Variants in DMD observed in about 807,000 individuals in gnomAD.
DMD encodes dystrophin.
Under a neutral mutation model 330.1 loss-of-function variants are expected in DMD, and 63 were observed. The observed-to-expected ratio is 0.19, with a 90% CI of 0.16 to 0.24. The LOEUF is 0.24. DMD is among the 10% of genes least tolerant of loss of function. The pLI is 1.00. For missense variants in DMD, 3,344 were observed against 2,684.1 expected (o/e 1.25, Z -5.43); for synonymous variants, 1,223 against 959.8 (o/e 1.27, Z -5.07).
chrX:31,185,516 A>T (rs2041676881), intron 67 of DMD, among the ~76,000 whole-genome samples: 1 of 111,841 alleles, frequency 8.9e-6, no homozygotes, highest in Non-Finnish European at 1.9e-5. Context: ...TGATTATTGT[A>T]CTTTTGACAT....
At chrX:32,576,033 C>T (rs1383159059) in intron 13 of DMD, among the ~76,000 whole-genome samples, 1 of 111,491 alleles carries the variant, frequency 9.0e-6, no homozygotes, top group African/African-American at 3.3e-5. Flanking sequence ...ATCCCCTATT[C>T]CAGGTTGTAT....
intron 64 of DMD, among the ~76,000 whole-genome samples, chrX:31,220,401 T>C (rs938874414): frequency 1.8e-5 from 2 of 111,854 alleles, no homozygotes; most frequent in African/African-American, 6.5e-5. Context: ...GGGACCTTCC[T>C]GTTGCTAAGT....
chrX:33,228,278 AGTGTGT>A (rs60369848), intron 1 of DMD, among the ~76,000 whole-genome samples: 30 of 93,459 alleles, frequency 3.2e-4, no homozygotes, highest in South Asian at 2.3e-3. Context: ...CCCAAGTTTA[AGTGTGT>A]GTGTGTGTGT....
chrX:31,718,301 G>A (rs2085212651), intron 52 of DMD, among the ~76,000 whole-genome samples: 3 of 111,268 alleles, frequency 2.7e-5, no homozygotes, highest in African/African-American at 9.8e-5. Flanking sequence ...CATTAGAACA[G>A]TTACCAATAT....
At chrX:32,142,519 C>T (rs2096758574) in intron 44 of DMD, among the ~76,000 whole-genome samples, 1 of 112,409 alleles carries the variant, frequency 8.9e-6, no homozygotes, top group Non-Finnish European at 1.9e-5. Flanking sequence ...TGAATATCAT[C>T]CCTTCTTCAT....
Position 32,943,667 on chromosome X carries a change from C to T in DMD, c.93+76472G>A, listed in dbSNP as rs773370156. Among the ~76,000 whole-genome samples, 14 of 111,434 alleles carry T rather than the reference C, an allele frequency of 1.3e-4. No homozygotes were observed. In the South Asian group the frequency reaches 4.1e-3, roughly 33 times the overall value. ...TTGCACATAGATGTAAGCATTTCTT[C>T]GATAATTTCCCTGGAAATGCAATTG... On this transcript the variant is annotated intron_variant, in intron 2 of 78. Transcript: ENST00000357033.
At chrX:32,329,986 G>T (rs1220070321) in intron 41 of DMD, among the ~76,000 whole-genome samples, 1 of 112,017 alleles carries the variant, frequency 8.9e-6, no homozygotes, top group African/African-American at 3.2e-5. Context: ...TTTTACATGC[G>T]TTAAAATAGC....
At chrX:32,376,519 G>A (rs1287210921) in intron 34 of DMD, among the ~76,000 whole-genome samples, 2 of 110,433 alleles carry the variant, frequency 1.8e-5, no homozygotes, top group African/African-American at 6.6e-5. Flanking sequence ...GCTTGCACAT[G>A]GACTATGGCC....
At chrX:32,769,037 A>G (rs973470155) in intron 7 of DMD, among the ~76,000 whole-genome samples, 3 of 111,637 alleles carry the variant, frequency 2.7e-5, no homozygotes, top group Non-Finnish European at 5.6e-5. Context: ...CCCCTCTTCA[A>G]TGGCTATATG....
chrX:31,174,173 C>T (rs896337595), intron 71 of DMD, among the ~76,000 whole-genome samples: 3 of 111,296 alleles, frequency 2.7e-5, no homozygotes, highest in African/African-American at 6.5e-5. Context: ...CAAGACTATA[C>T]CACTAATTTC....
intron 44 of DMD, among the ~76,000 whole-genome samples, chrX:32,089,563 T>A (rs919531047): frequency 9.0e-6 from 1 of 111,654 alleles, no homozygotes; most frequent in Admixed American, 9.6e-5. Context: ...TCCATATAAG[T>A]TTGCTAAGGA....
At chrX:32,374,654 T>G (rs2097894074) in intron 34 of DMD, among the ~76,000 whole-genome samples, 1 of 111,978 alleles carries the variant, frequency 8.9e-6, no homozygotes, top group Non-Finnish European at 1.9e-5. Flanking sequence ...TTCTGTTCCA[T>G]TGATCTAGGT....
intron 43 of DMD, among the ~76,000 whole-genome samples, chrX:32,254,127 C>T (rs1193149628): frequency 1.8e-5 from 2 of 111,517 alleles, no homozygotes; most frequent in Non-Finnish European, 3.8e-5. Flanking sequence ...CTGCAACCTC[C>T]GCCTCCTGGG....
chrX:31,371,043 T>A (rs922123804), intron 60 of DMD, among the ~76,000 whole-genome samples: 4 of 111,174 alleles, frequency 3.6e-5, no homozygotes. Context: ...GGGAAGTGGG[T>A]GTGGCTATAA....
chrX:31,760,107 G>A (rs761572160), intron 51 of DMD, among the ~76,000 whole-genome samples: 3 of 111,810 alleles, frequency 2.7e-5, no homozygotes, highest in South Asian at 3.8e-4. Flanking sequence ...GATAGGCAAC[G>A]TCTATGCATG....
chrX:32,292,194 G>T (rs745969577), intron 42 of DMD, among the ~76,000 whole-genome samples: 3 of 109,641 alleles, frequency 2.7e-5, no homozygotes, highest in Non-Finnish European at 5.7e-5. Context: ...TAAACATCTT[G>T]CCCTGAGATG....
chrX:32,140,337 A>G (rs940573213), intron 44 of DMD, among the ~76,000 whole-genome samples: 2 of 111,955 alleles, frequency 1.8e-5, no homozygotes, highest in African/African-American at 6.5e-5. Context: ...TGCATTGTTA[A>G]TTTTTTACAA....
At chrX:31,956,134 G>C (rs1254976236) in intron 45 of DMD, among the ~76,000 whole-genome samples, 1 of 111,169 alleles carries the variant, frequency 9.0e-6, no homozygotes, top group Non-Finnish European at 1.9e-5. Flanking sequence ...AGTTGTGATA[G>C]ATAGAGAGCT....
chrX:31,209,394 T>C (rs1217698289), intron 65 of DMD, 104 bp downstream of exon 65: 7 of 788,434 alleles, frequency 8.9e-6, no homozygotes, highest in Non-Finnish European at 1.2e-5. Flanking sequence ...GAGCATTAGG[T>C]CCACAGCTTC....
Sources: gnomAD v4.1 joint callset for allele counts (sites outside exome capture counted in the v4.1 genomes callset) on GRCh38, gnomAD v4.1.1 for gene constraint, MANE v1.5 for transcripts, NCBI Gene and HGNC (gene_info 2026-07-23, HGNC 2026-07-21) for gene names.